Variants in STX18 observed in about 807,000 individuals in gnomAD.
STX18 encodes syntaxin 18, also known as syntaxin-18.
In STX18, 40 loss-of-function variants were observed where a neutral mutation model predicts 50.1. The ratio of observed to expected loss-of-function variants is 0.80; its 90% confidence interval spans 0.62 to 1.04. STX18 has a LOEUF of 1.04. STX18 is among the 50% of genes least tolerant of loss of function. STX18 has a pLI of 0.00. For synonymous variants in STX18, 158 were observed against 151.8 expected, an observed-to-expected ratio of 1.04 and a Z score of -0.30; for missense variants, 410 against 415.8, an observed-to-expected ratio of 0.99 and a Z score of 0.12.
At chr4:4,498,824 A>C (rs1356677259) in intron 1 of STX18, among the ~76,000 whole-genome samples, 3 of 152,238 alleles carry the variant, frequency 2.0e-5, no homozygotes, top group Non-Finnish European at 1.5e-5. Context: ...TGGACAACGA[A>C]AGAAACTAAA....
intron 1 of STX18, among the ~76,000 whole-genome samples, chr4:4,536,442 G>A (rs1731336193): frequency 6.6e-6 from 1 of 152,200 alleles, no homozygotes; most frequent in African/African-American, 2.4e-5. Context: ...GACAGAAAAA[G>A]GAGGCCACTT....
chr4:4,537,365 C>G (rs1382672197), intron 1 of STX18, among the ~76,000 whole-genome samples: 1 of 152,144 alleles, frequency 6.6e-6, no homozygotes, highest in East Asian at 1.9e-4. Flanking sequence ...ACTCCCTATT[C>G]CCAGACAGGG....
At chr4:4,421,441 T>TG (rs200342467) in intron 9 of STX18, among the ~76,000 whole-genome samples, 2,401 of 152,172 alleles carry the variant, frequency 0.016, 66 homozygotes, top group African/African-American at 0.052. Context: ...TTTGTAGAGA[T>TG]GGGGGGTCTC....
chr4:4,484,234 T>C (rs1728603238), intron 1 of STX18, among the ~76,000 whole-genome samples: 1 of 152,154 alleles, frequency 6.6e-6, no homozygotes, highest in Non-Finnish European at 1.5e-5. Flanking sequence ...CTGAAAATAG[T>C]TCATGGGCCT....
chr4:4,476,687 G>T lies in STX18; in HGVS notation c.169-4981C>A, dbSNP rs181756059. On this transcript the variant is annotated intron_variant, in intron 1 of 10. Transcript: ENST00000306200. Reference sequence around the variant, plus strand: ...GGATTATGTTTTCATTTATCTTTCTGTTTTTAGAATCCTTATATTTTATAC... The same window carrying T: ...GGATTATGTTTTCATTTATCTTTCTTTTTTTAGAATCCTTATATTTTATAC... Among the ~76,000 whole-genome samples, 675 of 152,202 alleles carry T rather than the reference G, an allele frequency of 4.4e-3. 21 individuals carry two copies. Among genetic ancestry groups the T allele is most frequent in the Admixed American group, 0.039 (592 of 15,284 alleles).
chr4:4,507,282 T>C, intron 1 of STX18: 6 of 711,690 alleles, frequency 8.4e-6, no homozygotes, highest in South Asian at 8.1e-5. Flanking sequence ...CCCAGGCTCT[T>C]CTGGAGCTGG....
chr4:4,438,457 C>T lies in STX18; in HGVS notation c.550G>A (p.Glu184Lys). ...NTKTRESTSS[E>K]KVSQSPSKDS... ...TTTGAAGGACTCTGTGAAACTTTCT[C>T]AGAAGATGTGGATTCTCTTGTCTTT... is the stretch of plus-strand genomic sequence containing the variant. The change falls in exon 6 of 11, where the codon GAG (glutamate) becomes AAG (lysine). Residue 184 changes from glutamate to lysine, a missense_variant. Transcript: ENST00000306200. 1 of 1,613,900 alleles carries T rather than the reference C, an allele frequency of 6.2e-7. No homozygotes were observed. The highest frequency in any genetic ancestry group is 1.7e-5 in the Admixed American group (1 of 60,004).
chr4:4,452,941 T>C lies in STX18; in HGVS notation c.497+4250A>G, dbSNP rs1025660918. 3.9e-5 allele frequency among the ~76,000 whole-genome samples: 6 copies of C among 152,300 alleles called. No individual in the cohort carries two copies. In the East Asian group the frequency reaches 1.2e-3, roughly 29 times the overall value. Reference sequence around the variant, plus strand: ...TCAAGACTTCAGTGGAGGAAGTCACTGGAGATGTGGTGGAAACAGCCAGAG... The same window carrying C: ...TCAAGACTTCAGTGGAGGAAGTCACCGGAGATGTGGTGGAAACAGCCAGAG... On this transcript the variant is annotated intron_variant, in intron 5 of 10. Transcript: ENST00000306200.
intron 2 of STX18, among the ~76,000 whole-genome samples, chr4:4,465,415 C>G (rs1727570534): frequency 6.6e-6 from 1 of 152,200 alleles, no homozygotes; most frequent in Non-Finnish European, 1.5e-5. Flanking sequence ...TCATGGAATA[C>G]TATGCAGCCA....
intron 3 of STX18, among the ~76,000 whole-genome samples, chr4:4,459,062 G>GCGCGCA (rs71638564): frequency 1.4e-5 from 2 of 144,282 alleles, no homozygotes; most frequent in African/African-American, 5.1e-5. Flanking sequence ...ACACACACAC[G>GCGCGCA]CACACACACA....
chr4:4,513,306 G>T (rs1730091744), intron 1 of STX18, among the ~76,000 whole-genome samples: 1 of 152,118 alleles, frequency 6.6e-6, no homozygotes, highest in African/African-American at 2.4e-5. Context: ...GAGCTCATGG[G>T]GTTTCCCATT....
chr4:4,427,627 C>G (rs563735903), intron 7 of STX18, among the ~76,000 whole-genome samples: 9 of 152,314 alleles, frequency 5.9e-5, no homozygotes, highest in South Asian at 2.1e-4. Flanking sequence ...TGAAACTGTT[C>G]CTAAACAAAA....
At chr4:4,436,074 G>C (rs1439261640) in intron 6 of STX18, among the ~76,000 whole-genome samples, 1 of 152,112 alleles carries the variant, frequency 6.6e-6, no homozygotes, top group African/African-American at 2.4e-5. Flanking sequence ...ATTTCCTGTA[G>C]TCAGTCTCAG....
intron 2 of STX18, among the ~76,000 whole-genome samples, chr4:4,466,609 T>A (rs73796015): frequency 1.7e-3 from 252 of 152,056 alleles, no homozygotes; most frequent in African/African-American, 5.9e-3. Context: ...CTAGAGCGGA[T>A]GGGAGGAGCG....
intron 1 of STX18, among the ~76,000 whole-genome samples, chr4:4,505,810 C>T (rs905267970): frequency 5.3e-5 from 8 of 151,890 alleles, no homozygotes; most frequent in African/African-American, 1.9e-4. Flanking sequence ...AACGAAAAAT[C>T]GAAGTATGGT....
chr4:4,495,432 A>C (rs1729123729), intron 1 of STX18, among the ~76,000 whole-genome samples: 1 of 151,896 alleles, frequency 6.6e-6, no homozygotes, highest in Non-Finnish European at 1.5e-5. Context: ...TCCATCACCC[A>C]TGCTGCTGTG....
At chr4:4,505,571 G>A (rs531874573) in intron 1 of STX18, among the ~76,000 whole-genome samples, 4 of 151,924 alleles carry the variant, frequency 2.6e-5, no homozygotes, top group Non-Finnish European at 4.4e-5. Context: ...CTTGAGGCCA[G>A]GTGTTCGAGA....
rs1427662747 is a variant in STX18 at position 4,507,147 on chromosome 4, TA to T, written c.168+34649del. The T allele has an allele frequency of 4.1e-5, 23 of 562,034 alleles. No individual in the cohort carries two copies. In the Admixed American group the frequency reaches 4.7e-4, roughly 12 times the overall value. 34.8% of individuals were successfully genotyped at this position (562,034 alleles called of 1,614,324 possible). On this transcript the variant is annotated intron_variant, in intron 1 of 10. Transcript: ENST00000306200. ...AAGCCAGGTGAGTTCCAAAGAATGC[TA>T]GCAACACAGTACAAGACGGCATGAC...
intron 1 of STX18, among the ~76,000 whole-genome samples, chr4:4,532,247 C>T (rs7684307): frequency 0.22 from 33,137 of 152,060 alleles, 3,953 homozygotes; most frequent in African/African-American, 0.32. Flanking sequence ...TTAACTATGG[C>T]TATTTCCTGA....
Sources: allele counts gnomAD v4.1 joint callset (sites outside exome capture counted in the v4.1 genomes callset), GRCh38; gene constraint gnomAD v4.1.1; transcripts MANE v1.5; gene names NCBI Gene and HGNC (gene_info 2026-07-23, HGNC 2026-07-21).